TRPS1: variants seen among roughly 807,000 people sequenced by gnomAD.
TRPS1 encodes the protein zinc finger transcription factor Trps1.
TRPS1 carries 6 observed loss-of-function variants against 101.2 expected under a neutral mutation model. That is an observed-to-expected ratio of 0.06 (90% CI 0.03 to 0.12). The LOEUF (loss-of-function observed/expected upper bound fraction) is 0.12, where lower values mean the gene tolerates loss of function less well. Ranked by LOEUF, TRPS1 falls within the 10% of genes least tolerant of loss-of-function variation. The pLI, the probability that TRPS1 is intolerant of heterozygous loss-of-function variation, is 1.00. For missense variants in TRPS1, 1,363 were observed against 1,567.0 expected (o/e 0.87, Z 2.20); for synonymous variants, 578 against 589.8 (o/e 0.98, Z 0.29).
intron 5 of TRPS1, among the ~76,000 whole-genome samples, chr8:115,456,867 T>G (rs777327504): frequency 6.6e-6 from 1 of 152,012 alleles, no homozygotes; most frequent in Non-Finnish European, 1.5e-5. Flanking sequence ...CTTAGCAAAA[T>G]CCTAATTATA....
At chr8:115,531,916 A>T (rs1399966121) in intron 5 of TRPS1, among the ~76,000 whole-genome samples, 2 of 152,042 alleles carry the variant, frequency 1.3e-5, no homozygotes, top group African/African-American at 4.8e-5. Context: ...ACAAGAAAGA[A>T]TGGGAGGATG....
rs1286444656 is a variant in TRPS1, at chr8:115,623,752, TG to T, written c.-116del. 1.1e-5 allele frequency: 16 copies of T among 1,511,490 alleles called. No homozygotes were observed. In the East Asian group the frequency reaches 3.4e-4, roughly 32 times the overall value. 93.6% of individuals were successfully genotyped at this position (1,511,490 alleles called of 1,614,324 possible). The stretch of plus-strand genomic sequence containing the variant: ...ACAGAAGACATTTTGAGAGCTGATC[TG>T]TACATCTGCAAAACAAAGCAAAAGA... On this transcript the variant is annotated 5_prime_UTR_variant, in exon 2 of 7. The change creates a premature stop within an existing upstream ORF in the 5' untranslated region. Transcript: ENST00000395715.
At chr8:115,545,942 A>G (rs1209085077) in intron 5 of TRPS1, among the ~76,000 whole-genome samples, 1 of 152,250 alleles carries the variant, frequency 6.6e-6, no homozygotes, top group East Asian at 1.9e-4. Flanking sequence ...ACAGAGTACA[A>G]TAAAACTTGC....
At chr8:115,659,664 A>G (rs1478635634) in intron 1 of TRPS1, among the ~76,000 whole-genome samples, 1 of 152,022 alleles carries the variant, frequency 6.6e-6, no homozygotes, top group Non-Finnish European at 1.5e-5. Context: ...AGAGCTACTT[A>G]AGAGTATTGA....
At chr8:115,532,486 A>G (rs529547698) in intron 5 of TRPS1, among the ~76,000 whole-genome samples, 17 of 152,238 alleles carry the variant, frequency 1.1e-4, no homozygotes, top group African/African-American at 3.6e-4. Flanking sequence ...CAGTGTCTAG[A>G]AGAGAAATAA....
intron 5 of TRPS1, among the ~76,000 whole-genome samples, chr8:115,420,510 G>T (rs1304745781): frequency 6.6e-6 from 1 of 152,160 alleles, no homozygotes; most frequent in Non-Finnish European, 1.5e-5. Context: ...ATATGGCTGA[G>T]GCTCAAATGT....
At chr8:115,631,959 A>T (rs1563657656) in intron 1 of TRPS1, among the ~76,000 whole-genome samples, 2 of 152,092 alleles carry the variant, frequency 1.3e-5, no homozygotes, top group Non-Finnish European at 1.5e-5. Context: ...TTTATTTTTT[A>T]AAATGGTAAA....
At chr8:115,621,967 GTTC>G (rs1185786331) in intron 2 of TRPS1, among the ~76,000 whole-genome samples, 1 of 151,794 alleles carries the variant, frequency 6.6e-6, no homozygotes, top group Non-Finnish European at 1.5e-5. Context: ...AAAGTACACT[GTTC>G]TTCTTACACA....
At chr8:115,463,174 T>G (rs191994568) in intron 5 of TRPS1, among the ~76,000 whole-genome samples, 22 of 152,318 alleles carry the variant, frequency 1.4e-4, no homozygotes, top group African/African-American at 5.1e-4. Context: ...TTAGAAGTAT[T>G]CATAAATCTA....
chr8:115,565,955 A>G (rs1370902054), intron 5 of TRPS1, among the ~76,000 whole-genome samples: 1 of 152,162 alleles, frequency 6.6e-6, no homozygotes, highest in Non-Finnish European at 1.5e-5. Flanking sequence ...GGAATTTTTA[A>G]GTTCTCATAT....
chr8:115,500,535 T>C (rs770427842), intron 5 of TRPS1, among the ~76,000 whole-genome samples: 3 of 152,178 alleles, frequency 2.0e-5, no homozygotes, highest in African/African-American at 4.8e-5. Context: ...TCTAAAGACA[T>C]AGAAACAATA....
intron 1 of TRPS1, among the ~76,000 whole-genome samples, chr8:115,639,249 T>A (rs560561265): frequency 1.3e-5 from 2 of 152,202 alleles, no homozygotes; most frequent in South Asian, 4.2e-4. Flanking sequence ...TATATATTTT[T>A]GTAGAGATGA....
intron 5 of TRPS1, among the ~76,000 whole-genome samples, chr8:115,498,242 AGTG>A (rs1815199215): frequency 1.3e-5 from 2 of 151,456 alleles, no homozygotes; most frequent in Non-Finnish European, 2.9e-5. Context: ...AGCCGGGCAA[AGTG>A]GTGTGCACCT....
intron 5 of TRPS1, among the ~76,000 whole-genome samples, chr8:115,470,094 A>AGTGCTTCT (rs1351588912): frequency 6.6e-6 from 1 of 152,194 alleles, no homozygotes; most frequent in Non-Finnish European, 1.5e-5. Context: ...CACAAGGAAT[A>AGTGCTTCT]CTAACTTCAA....
At chr8:115,502,258 A>C (rs1274568489) in intron 5 of TRPS1, among the ~76,000 whole-genome samples, 2 of 152,194 alleles carry the variant, frequency 1.3e-5, no homozygotes, top group Admixed American at 6.5e-5. Context: ...TCTTAAGTAC[A>C]GGCATCAAAG....
chr8:115,431,834 C>T (rs1370365740), intron 5 of TRPS1, among the ~76,000 whole-genome samples: 2 of 151,996 alleles, frequency 1.3e-5, no homozygotes, highest in East Asian at 3.9e-4. Flanking sequence ...AGAAACTTTG[C>T]TAATTTTGAG....
chr8:115,584,855 A>G (rs749155988), intron 5 of TRPS1, among the ~76,000 whole-genome samples: 12 of 152,146 alleles, frequency 7.9e-5, no homozygotes, highest in Non-Finnish European at 1.6e-4. Context: ...TGCCCAATAA[A>G]TTAAATTGGC....
chr8:115,500,440 C>T (rs1370950997), intron 5 of TRPS1, among the ~76,000 whole-genome samples: 1 of 152,168 alleles, frequency 6.6e-6, no homozygotes, highest in African/African-American at 2.4e-5. Flanking sequence ...ATTACAAAAG[C>T]AACCAAATGT....
chr8:115,472,290 G>A (rs985797437), intron 5 of TRPS1, among the ~76,000 whole-genome samples: 15 of 152,146 alleles, frequency 9.9e-5, no homozygotes, highest in African/African-American at 1.7e-4. Context: ...CCAACACCAC[G>A]TGGAAGCCAC....
Sources: gnomAD v4.1 joint callset for allele counts (sites outside exome capture counted in the v4.1 genomes callset) on GRCh38, gnomAD v4.1.1 for gene constraint, MANE v1.5 for transcripts, NCBI Gene and HGNC (gene_info 2026-07-23, HGNC 2026-07-21) for gene names.